The following CCDC180 variants were observed in gnomAD, a reference collection of about 807,000 sequenced individuals.
CCDC180 encodes the protein coiled-coil domain-containing protein 180.
In CCDC180, 154 loss-of-function variants were observed where a neutral mutation model predicts 209.2. That is an observed-to-expected ratio of 0.74 (90% CI 0.65 to 0.84). CCDC180 has a LOEUF of 0.84. Among genes scored for constraint, CCDC180 ranks in the 40% least tolerant of loss-of-function variants. The pLI, the probability that CCDC180 is intolerant of heterozygous loss-of-function variation, is 0.00. For missense variants in CCDC180, 1,874 were observed against 1,997.3 expected (o/e 0.94, Z 1.18); for synonymous variants, 778 against 749.1 (o/e 1.04, Z -0.63).
chr9:97,329,961 G>A (rs12352173), intron 16 of CCDC180, among the ~76,000 whole-genome samples, 193 bp from the exon 17 acceptor site: 5,997 of 151,870 alleles, frequency 0.039, 380 homozygotes, highest in African/African-American at 0.14. Context: ...CCAGCTACTC[G>A]GGAGGCTGAG....
Position 97,307,907 on chromosome 9 carries a change from G to A in CCDC180, c.-81-76G>A, listed in dbSNP as rs1587773056. ...CCTTCCCCGGGGAGTCCTGCCCTGGGGTGCCGCCTCGAGGCCAGACGTCGT... is the reference window on the plus strand; with the variant it reads ...CCTTCCCCGGGGAGTCCTGCCCTGGAGTGCCGCCTCGAGGCCAGACGTCGT... On this transcript the variant is annotated intron_variant, in intron 1 of 36. Transcript: ENST00000529487. 1.9e-6 allele frequency: 3 copies of A among 1,586,570 alleles called. No individual in the cohort carries two copies. The East Asian group carries it at 6.7e-5, about 36-fold the overall frequency.
Position 97,322,911 on chromosome 9 carries a change from A to G in CCDC180, c.1238A>G (p.Gln413Arg), listed in dbSNP as rs1426873142. Reference sequence around the variant, plus strand: ...TGGCAGGAGTGCCTGATGCATGTGCAGAATTGTAAGGTGGGCACCCTTCCT... The same window carrying G: ...TGGCAGGAGTGCCTGATGCATGTGCGGAATTGTAAGGTGGGCACCCTTCCT... The part of the protein sequence containing the change: ...KTWQECLMHV[Q>R]NCKKQLLDWK... Residue 413 changes from glutamine to arginine, a missense_variant, in exon 12 of 37, where the codon CAG becomes CGG. Gln to Arg is a conservative substitution (Grantham distance 43). Coordinates refer to ENST00000529487, the MANE Select transcript of CCDC180 (RefSeq NM_020893.6). The G allele has an allele frequency of 2.5e-6, 4 of 1,613,748 alleles. No homozygotes were observed. Among genetic ancestry groups the G allele is most frequent in the Non-Finnish European group, 2.5e-6 (3 of 1,179,928 alleles).
At chr9:97,318,974 G>T (rs572430868) in intron 10 of CCDC180, among the ~76,000 whole-genome samples, 3 of 152,248 alleles carry the variant, frequency 2.0e-5, no homozygotes, top group Non-Finnish European at 2.9e-5. Flanking sequence ...GACACTGGAG[G>T]CTGGAGGCAC....
At chr9:97,333,510 T>TG (rs1825810754) in intron 18 of CCDC180, among the ~76,000 whole-genome samples, 1 of 148,454 alleles carries the variant, frequency 6.7e-6, no homozygotes, top group Admixed American at 6.7e-5. Context: ...TGGGTTTTTT[T>TG]TTTTTTTTTT....
Position 97,377,013 on chromosome 9 carries a change from C to G in CCDC180, c.*119C>G. On this transcript the variant is annotated 3_prime_UTR_variant, in exon 37 of 37. Coordinates refer to ENST00000529487, the MANE Select transcript of CCDC180 (RefSeq NM_020893.6). The stretch of plus-strand genomic sequence containing the variant: ...TTCATCCCTCCACCCCTGCTCTGTG[C>G]CGGGCACTGTAGCTTTACCAGCGAA... 2 of 1,195,696 alleles carry G rather than the reference C, an allele frequency of 1.7e-6. No homozygotes were observed. Among genetic ancestry groups the G allele is most frequent in the Non-Finnish European group, 2.3e-6 (2 of 871,884 alleles). The allele number at this position is 1,195,696 out of a possible 1,614,324, so 74.1% of individuals were successfully genotyped here.
chr9:97,345,152 C>G (rs1405526744), intron 19 of CCDC180, among the ~76,000 whole-genome samples: 1 of 152,130 alleles, frequency 6.6e-6, no homozygotes, highest in Non-Finnish European at 1.5e-5. Flanking sequence ...TAATGTTGCT[C>G]TGAACATTCT....
intron 8 of CCDC180, among the ~76,000 whole-genome samples, chr9:97,315,390 C>G (rs768491871): frequency 6.6e-6 from 1 of 152,176 alleles, no homozygotes; most frequent in Non-Finnish European, 1.5e-5. Context: ...TCTGCCTCTT[C>G]TTGCCTCTCT....
intron 18 of CCDC180, among the ~76,000 whole-genome samples, chr9:97,337,062 G>C (rs1189966040): frequency 6.6e-6 from 1 of 152,164 alleles, no homozygotes. Context: ...GGAGATTTTG[G>C]ACTGAGACAA....
intron 18 of CCDC180, among the ~76,000 whole-genome samples, chr9:97,331,934 G>T (rs543583668): frequency 1.3e-5 from 2 of 152,066 alleles, no homozygotes; most frequent in Non-Finnish European, 2.9e-5. Flanking sequence ...TGTTTTTGTC[G>T]CAATTGCTTT....
chr9:97,345,460 G>T, intron 19 of CCDC180: 1 of 333,770 alleles, frequency 3.0e-6, no homozygotes, highest in South Asian at 2.5e-5. Flanking sequence ...TGATGAGTAT[G>T]ATATTGTATA....
At chr9:97,312,871 T>C (rs952429188) in intron 4 of CCDC180, among the ~76,000 whole-genome samples, 1 of 152,150 alleles carries the variant, frequency 6.6e-6, no homozygotes, top group Non-Finnish European at 1.5e-5. Flanking sequence ...AGGCTAGGAA[T>C]GGAAGCCACC....
intron 22 of CCDC180, among the ~76,000 whole-genome samples, chr9:97,351,844 G>T (rs183437739): frequency 6.6e-6 from 1 of 152,154 alleles, no homozygotes; most frequent in Non-Finnish European, 1.5e-5. Flanking sequence ...CAGGCACAGT[G>T]GTTCATGCCA....
chr9:97,359,066 A>G (rs1018752052), intron 25 of CCDC180, among the ~76,000 whole-genome samples: 2 of 152,206 alleles, frequency 1.3e-5, no homozygotes, highest in East Asian at 3.8e-4. Flanking sequence ...ACTTGTTTCT[A>G]CACATCCACT....
intron 18 of CCDC180, among the ~76,000 whole-genome samples, chr9:97,340,557 A>G (rs60236368): frequency 0.024 from 3,605 of 152,312 alleles, 149 homozygotes; most frequent in African/African-American, 0.082. Flanking sequence ...TCCTCGCTCT[A>G]TAATCATAAC....
intron 3 of CCDC180, 128 bp downstream of exon 3, chr9:97,309,732 G>A (rs1482057275): frequency 2.9e-6 from 2 of 693,976 alleles, no homozygotes; most frequent in South Asian, 5.0e-5. Flanking sequence ...CTAAAGCAGG[G>A]AGGCTAATAC....
chr9:97,322,547 T>C (rs1263350347), intron 11 of CCDC180, among the ~76,000 whole-genome samples: 1 of 152,216 alleles, frequency 6.6e-6, no homozygotes, highest in Non-Finnish European at 1.5e-5. Context: ...GTTTACAACT[T>C]GGTGCAGTTT....
chr9:97,339,104 C>T (rs1335685761), intron 18 of CCDC180, among the ~76,000 whole-genome samples: 1 of 152,122 alleles, frequency 6.6e-6, no homozygotes, highest in Non-Finnish European at 1.5e-5. Flanking sequence ...GGTCTTGACT[C>T]TTTATTCAAT....
At chr9:97,367,861 A>G (rs894965641) in intron 31 of CCDC180, among the ~76,000 whole-genome samples, 1 of 152,128 alleles carries the variant, frequency 6.6e-6, no homozygotes, top group African/African-American at 2.4e-5. Context: ...CCTCACACAG[A>G]CTTGGCATGT....
At chr9:97,321,521 T>A (rs1243837749) in intron 11 of CCDC180, among the ~76,000 whole-genome samples, 3 of 152,190 alleles carry the variant, frequency 2.0e-5, no homozygotes, top group Non-Finnish European at 2.9e-5. Flanking sequence ...TACCTGCCAT[T>A]GCTTCTAGGG....
Sources: allele counts gnomAD v4.1 joint callset (sites outside exome capture counted in the v4.1 genomes callset), GRCh38; gene constraint gnomAD v4.1.1; transcripts MANE v1.5; gene names NCBI Gene and HGNC (gene_info 2026-07-23, HGNC 2026-07-21).